Variants in FPGS observed in about 807,000 individuals in gnomAD.
The protein encoded by FPGS is folylpolyglutamate synthase.
A neutral mutation model predicts 66.5 loss-of-function variants in FPGS; 53 were observed. That is an observed-to-expected ratio of 0.80 (90% CI 0.64 to 1.00). FPGS has a LOEUF of 1.00. Among genes scored for constraint, FPGS ranks in the 50% least tolerant of loss-of-function variants. The pLI is 0.00. For synonymous variants in FPGS, 348 were observed against 350.9 expected, an observed-to-expected ratio of 0.99 and a Z score of 0.09; for missense variants, 702 against 807.7, an observed-to-expected ratio of 0.87 and a Z score of 1.59.
downstream of FPGS, chr9:127,814,128 G>A: frequency 1.0e-6 from 1 of 986,000 alleles, no homozygotes; most frequent in Non-Finnish European, 1.2e-6. Flanking sequence ...AGGGGCTGCT[G>A]GTGGTCAGGG....
intron 13 of FPGS, among the ~76,000 whole-genome samples, chr9:127,810,565 C>G (rs1404188785): frequency 2.0e-5 from 3 of 152,072 alleles, no homozygotes; most frequent in African/African-American, 7.2e-5. Context: ...GAAGTGGCCC[C>G]TAGGTATCAT....
At chr9:127,808,944 AGAT>A in intron 11 of FPGS, 55 bp downstream of exon 11, 2 of 1,069,152 alleles carry the variant, frequency 1.9e-6, no homozygotes, top group Non-Finnish European at 2.6e-6. Flanking sequence ...GTGCCCCTTC[AGAT>A]TTTTTTTTTT....
rs1588556591 is a variant in FPGS, at chr9:127,808,036, G to A, written c.745-198G>A. 8 of 586,004 alleles carry A rather than the reference G, an allele frequency of 1.4e-5. No individual in the cohort carries two copies. The East Asian group carries it at 2.0e-4, about 15-fold the overall frequency. The allele number at this position is 586,004 out of a possible 1,614,324, so 36.3% of individuals were successfully genotyped here. A position where few individuals can be genotyped will look rare whatever the true frequency, so the allele number is the denominator to read the frequency against. On this transcript the variant is annotated intron_variant, in intron 8 of 14. Transcript: ENST00000373247. ...CAGGAGAATCACTCGAACCCGGGAG[G>A]CAGACGTTGCAGTGAGCCGAGATTG...
intron 4 of FPGS, among the ~76,000 whole-genome samples, chr9:127,805,607 A>G (rs1030388046): frequency 1.3e-5 from 2 of 152,142 alleles, no homozygotes; most frequent in African/African-American, 4.8e-5. Flanking sequence ...CTATTAAAAA[A>G]AAAATGAAAA....
intron 14 of FPGS, among the ~76,000 whole-genome samples, chr9:127,811,979 A>G (rs1377544442): frequency 6.6e-6 from 1 of 152,084 alleles, no homozygotes; most frequent in East Asian, 1.9e-4. Flanking sequence ...TAGTGTAAAA[A>G]TTACAGATCC....
At chr9:127,811,619 G>A (rs1412470532) in intron 14 of FPGS, among the ~76,000 whole-genome samples, 1 of 152,122 alleles carries the variant, frequency 6.6e-6, no homozygotes, top group Admixed American at 6.5e-5. Context: ...TGGAATAGCT[G>A]GGATTACAGG....
rs1367748951 is a variant in FPGS at position 127,807,304 on chromosome 9, A to G, written c.579+18A>G. ...AAGAGAAGGTGTGTGCCCTCTCCCTAGAACCCTGCATCTGAGGCCTTGGGA... is the reference window on the plus strand; with the variant it reads ...AAGAGAAGGTGTGTGCCCTCTCCCTGGAACCCTGCATCTGAGGCCTTGGGA... On this transcript the variant is annotated intron_variant, in intron 6 of 14. Coordinates refer to ENST00000373247, the MANE Select transcript of FPGS (RefSeq NM_004957.6). The surrounding 1 kb of genome is among the most constrained non-coding windows in gnomAD (Gnocchi z 5.8). 6.2e-7 allele frequency: 1 copy of G among 1,613,914 alleles called. No individual in the cohort carries two copies.
intron 4 of FPGS, 106 bp from the exon 5 acceptor site, chr9:127,806,856 AAACCGAGGGAC>A: frequency 1.3e-6 from 1 of 751,380 alleles, no homozygotes; most frequent in Non-Finnish European, 2.3e-6. Flanking sequence ...CACCAGGAAC[AAACCGAGGGAC>A]ACAGGAGAGA....
Position 127,809,751 on chromosome 9 carries a change from G to C in FPGS, c.1128G>C (p.Leu376=). ...GGCGCGGGCCCCTCACCTGGTACCT[G>C]GACGGTGCGCACACCGCCAGCAGCG... ...VLRRGPLTWY[L]DGAHTASSAQ... The change falls in exon 12 of 15, where the codon CTG becomes CTC. Residue 376 remains leucine (L), a synonymous_variant. Coordinates refer to ENST00000373247, the MANE Select transcript of FPGS (RefSeq NM_004957.6). 6.3e-7 allele frequency: 1 copy of C among 1,584,318 alleles called. No homozygotes were observed. Among genetic ancestry groups the C allele is most frequent in the Non-Finnish European group, 8.5e-7 (1 of 1,174,578 alleles).
In FPGS at chr9:127,804,232, C is replaced by T. The variant is rs1829719591; in HGVS notation, c.139-53C>T. On this transcript the variant is annotated intron_variant, in intron 1 of 14. Coordinates refer to ENST00000373247, the MANE Select transcript of FPGS (RefSeq NM_004957.6). ...CACTGGTCTGCTGGCTGTCTCTGTG[C>T]CTGTGGACCCTGAGTGAGCCTTAAC... 1.9e-6 allele frequency: 3 copies of T among 1,591,614 alleles called. No individual in the cohort carries two copies. In the South Asian group the frequency reaches 3.5e-5, roughly 18 times the overall value.
In FPGS at chr9:127,808,692, G is replaced by A. The variant is rs1366625330; in HGVS notation, c.957G>A (p.Arg319=). ...AGCTGGCCCACTGCTGGCTGCAGCG[G>A]CAGGACCGCCATGGTGAGTGGGCAG... ...ALQLAHCWLQ[R]QDRHGAGEPK... is the part of the protein sequence containing the mutation. Residue 319 remains arginine, a synonymous_variant, in exon 10 of 15, where the codon CGG becomes CGA. Coordinates refer to ENST00000373247, the MANE Select transcript of FPGS (RefSeq NM_004957.6). 6.3e-7 allele frequency: 1 copy of A among 1,588,554 alleles called. No individual in the cohort carries two copies. The highest frequency in any genetic ancestry group is 8.6e-7 in the Non-Finnish European group (1 of 1,167,998).
chr9:127,813,437 C>T lies in FPGS; in HGVS notation c.1597C>T (p.Pro533Ser). The change falls in exon 15 of 15, where the codon CCC (proline) becomes TCC (serine). Residue 533 changes from proline (P) to serine (S), a missense_variant. This residue lies in a region of FPGS where 351 missense variants were observed against 363.7 expected (regional missense o/e 0.97). Transcript: ENST00000373247. Reference sequence around the variant, plus strand: ...GCAATGGATCAGCCAAGGCCGAGACCCCATCTTCCAGCCACCTAGTCCCCC... The same window carrying T: ...GCAATGGATCAGCCAAGGCCGAGACTCCATCTTCCAGCCACCTAGTCCCCC... Reference protein sequence around the residue: ...ALQWISQGRDPIFQPPSPPKG... With the variant: ...ALQWISQGRDSIFQPPSPPKG... 6.8e-6 allele frequency: 11 copies of T among 1,611,276 alleles called. No individual in the cohort carries two copies. The highest frequency in any genetic ancestry group is 9.3e-6 in the Non-Finnish European group (11 of 1,178,448).
In FPGS at chr9:127,809,815, G is replaced by C; in HGVS notation, c.1192G>C (p.Gly398Arg). The change falls in exon 12 of 15, where the codon GGC becomes CGC. Residue 398 changes from glycine to arginine, a missense_variant. This residue lies in a region of FPGS where 351 missense variants were observed against 363.7 expected (regional missense o/e 0.97). Transcript: ENST00000373247. ...CVRWFRQALQ[G>R]RERPSGGPEV... ...GCGCTGGTTCCGCCAGGCGCTGCAG[G>C]GCCGCGAGAGGCCGAGCGGGTGAGG... 1 of 1,463,452 alleles carries C rather than the reference G, an allele frequency of 6.8e-7. No individual in the cohort carries two copies. The highest frequency in any genetic ancestry group is 8.9e-7 in the Non-Finnish European group (1 of 1,118,682). 90.7% of individuals were successfully genotyped at this position (1,463,452 alleles called of 1,614,324 possible). A position where few individuals can be genotyped will look rare whatever the true frequency, so the allele number is the denominator to read the frequency against.
rs1830209416 is a variant in FPGS, at chr9:127,814,024, G to A, written c.*420G>A. On this transcript the variant is annotated 3_prime_UTR_variant, in exon 15 of 15. Transcript: ENST00000373247. Reference sequence around the variant, plus strand: ...TGCCTGGGACACTGCGGGACAGAGGGTGGCTGGAGTGAATTAAAGCCTTTG... The same window carrying A: ...TGCCTGGGACACTGCGGGACAGAGGATGGCTGGAGTGAATTAAAGCCTTTG... 8.8e-6 allele frequency: 9 copies of A among 1,019,340 alleles called. No homozygotes were observed. The highest frequency in any genetic ancestry group is 1.1e-5 in the Non-Finnish European group (9 of 853,198). 63.1% of individuals were successfully genotyped at this position (1,019,340 alleles called of 1,614,324 possible). A position where few individuals can be genotyped will look rare whatever the true frequency, so the allele number is the denominator to read the frequency against.
chr9:127,809,025 G>T, intron 11 of FPGS, 136 bp downstream of exon 11: 1 of 689,628 alleles, frequency 1.5e-6, no homozygotes, highest in Non-Finnish European at 2.4e-6. Context: ...AAAGGACTCT[G>T]ATGTCAGCAA....
At position 127,807,381 on chromosome 9, in the gene FPGS, C is replaced by T. The variant is rs201065399; in HGVS notation, c.580-40C>T. 3.1e-4 allele frequency: 505 copies of T among 1,612,722 alleles called. 3 individuals are homozygous for T. Among genetic ancestry groups the T allele is most frequent in the Non-Finnish European group, 1.1e-4 (130 of 1,179,066 alleles). On this transcript the variant is annotated intron_variant, in intron 6 of 14. Coordinates refer to ENST00000373247, the MANE Select transcript of FPGS (RefSeq NM_004957.6). This position sits in a 1 kb window ranked among gnomAD's most constrained non-coding sequence, Gnocchi z 5.8. ...TCCCTGCTTCCATGCGGCCTCTGGG[C>T]ACCCTCATATCCCCTGCCATGCCCT...
At chr9:127,805,289 A>G (rs1163887473) in intron 4 of FPGS, among the ~76,000 whole-genome samples, 3 of 152,126 alleles carry the variant, frequency 2.0e-5, no homozygotes, top group East Asian at 3.8e-4. Flanking sequence ...CATGCCTATA[A>G]TCCCAGCACT....
Position 127,802,903 on chromosome 9 carries a change from C to T in FPGS, c.-22C>T, listed in dbSNP as rs1001045385. 3 of 1,349,464 alleles carry T rather than the reference C, an allele frequency of 2.2e-6. No individual in the cohort carries two copies. Among genetic ancestry groups the T allele is most frequent in the Middle Eastern group, 2.7e-4 (1 of 3,652 alleles). 83.6% of individuals were successfully genotyped at this position (1,349,464 alleles called of 1,614,324 possible). ...GGGCGTCTCCCGCCCGGGCCTAGAG[C>T]GCTGCCGGGGGCGCCGGGACTATGT... On this transcript the variant is annotated 5_prime_UTR_variant, in exon 1 of 15. Transcript: ENST00000373247.
intron 14 of FPGS, among the ~76,000 whole-genome samples, chr9:127,811,436 C>T (rs1053157768): frequency 8.6e-5 from 13 of 151,910 alleles, no homozygotes; most frequent in Non-Finnish European, 1.3e-4. Flanking sequence ...GAGCCGAGAT[C>T]GCGCCACTGC....
Sources: allele counts gnomAD v4.1 joint callset (sites outside exome capture counted in the v4.1 genomes callset), GRCh38; gene constraint gnomAD v4.1.1; regional missense constraint gnomAD v4.1.1; non-coding constraint Gnocchi (gnomAD v3.1); transcripts MANE v1.5; gene names NCBI Gene and HGNC (gene_info 2026-07-23, HGNC 2026-07-21).